CLHC1: variants seen among roughly 807,000 people sequenced by gnomAD.
CLHC1 encodes the protein clathrin heavy chain linker domain containing 1, also known as clathrin heavy chain linker domain-containing protein 1.
A neutral mutation model predicts 69.5 loss-of-function variants in CLHC1; 72 were observed. The observed-to-expected ratio is 1.04, with a 90% CI of 0.86 to 1.26. The LOEUF is 1.26. Ranked by LOEUF, CLHC1 falls within the 50% of genes most tolerant of loss-of-function variation. The pLI is 0.00. For missense variants in CLHC1, 790 were observed against 679.3 expected, an observed-to-expected ratio of 1.16 and a Z score of -1.81; for synonymous variants, 223 against 224.3, an observed-to-expected ratio of 0.99 and a Z score of 0.05.
At chr2:55,186,629 T>C (rs1670439302) in intron 9 of CLHC1, among the ~76,000 whole-genome samples, 1 of 151,828 alleles carries the variant, frequency 6.6e-6, no homozygotes, top group Admixed American at 6.6e-5. Flanking sequence ...CCAGGCATGG[T>C]GGGTATGCCT....
At chr2:55,217,552 A>AAAAAAAAAAATACATATATATATAT (rs1673677786) in intron 4 of CLHC1, among the ~76,000 whole-genome samples, 1 of 43,156 alleles carries the variant, frequency 2.3e-5, no homozygotes, top group African/African-American at 1.2e-4. Flanking sequence ...AAAAAAAAAA[A>AAAAAAAAAAATACATATATATATAT]ATATATATAT....
chr2:55,217,765 T>C, intron 4 of CLHC1, 46 bp downstream of exon 4: 1 of 1,257,262 alleles, frequency 8.0e-7, no homozygotes, highest in Non-Finnish European at 1.1e-6. Flanking sequence ...GTTATTATAA[T>C]CAAGCAACAA....
chr2:55,185,649 A>C (rs1670349932), intron 9 of CLHC1, among the ~76,000 whole-genome samples: 1 of 152,178 alleles, frequency 6.6e-6, no homozygotes, highest in Non-Finnish European at 1.5e-5. Context: ...TGAAGAGTAA[A>C]TGAATAAACA....
chr2:55,177,668 G>T lies in CLHC1; in HGVS notation c.1498C>A (p.Leu500Met), dbSNP rs1669528100. Residue 500 changes from leucine to methionine, a missense_variant, in exon 12 of 13, where the codon CTG becomes ATG. Physicochemically the swap from Leu to Met is conservative, Grantham distance 15 (BLOSUM62 2). Transcript: ENST00000401408. ...SLSFGLAILH[L>M]FSADMKKVGI... ...ACTTTTTTCATGTCTGCAGAGAACA[G>T]ATGAAGTATAGCAAGACCAAAAGAT... The T allele has an allele frequency of 6.2e-7, 1 of 1,612,858 alleles. No homozygotes were observed. Among genetic ancestry groups the T allele is most frequent in the South Asian group, 1.1e-5 (1 of 91,010 alleles).
chr2:55,230,634 G>A (rs1003404414), intron 1 of CLHC1, among the ~76,000 whole-genome samples: 11 of 152,144 alleles, frequency 7.2e-5, no homozygotes, highest in Non-Finnish European at 1.5e-4. Flanking sequence ...AGATCAAGAG[G>A]AAGCAGCAAA....
intron 3 of CLHC1, chr2:55,218,443 T>C (rs1673792045): frequency 6.6e-6 from 1 of 152,394 alleles, no homozygotes; most frequent in African/African-American, 2.4e-5. Flanking sequence ...TCAGCTCCTA[T>C]TGGCTCATCA....
At chr2:55,217,452 G>C (rs1166429363) in intron 4 of CLHC1, among the ~76,000 whole-genome samples, 15 of 142,026 alleles carry the variant, frequency 1.1e-4, no homozygotes, top group Admixed American at 2.2e-4. Context: ...GAGACCAGGA[G>C]GCAGAGGTTG....
At chr2:55,215,165 A>C (rs1673376921) in intron 4 of CLHC1, 1 of 152,262 alleles carries the variant, frequency 6.6e-6, no homozygotes, top group Admixed American at 6.5e-5. Flanking sequence ...ATTTCTGGCA[A>C]TATGACTGGC....
chr2:55,208,500 C>A, intron 8 of CLHC1, 126 bp downstream of exon 8: 1 of 622,420 alleles, frequency 1.6e-6, no homozygotes, highest in Admixed American at 3.0e-5. Context: ...ATAAATAAAA[C>A]ATATCAACAT....
chr2:55,177,507 CTT>C, intron 12 of CLHC1, 93 bp downstream of exon 12: 1 of 790,262 alleles, frequency 1.3e-6, no homozygotes, highest in African/African-American at 1.7e-5. Flanking sequence ...AGAAGGAACT[CTT>C]AGGGAAATTT....
chr2:55,202,768 G>T (rs964420296), intron 9 of CLHC1, among the ~76,000 whole-genome samples: 1 of 148,814 alleles, frequency 6.7e-6, no homozygotes, highest in African/African-American at 2.5e-5. Context: ...GCATGGTGGT[G>T]CACACCTGTT....
At chr2:55,214,505 C>G (rs1196206507) in intron 4 of CLHC1, 1 of 152,178 alleles carries the variant, frequency 6.6e-6, no homozygotes, top group Non-Finnish European at 1.5e-5. Context: ...AAGATTCCGT[C>G]TCAAAAAATA....
chr2:55,176,905 G>T (rs942197150), intron 12 of CLHC1, among the ~76,000 whole-genome samples: 2 of 151,952 alleles, frequency 1.3e-5, no homozygotes, highest in African/African-American at 4.8e-5. Flanking sequence ...TTTTGAGGCA[G>T]TGTCTCACCC....
intron 9 of CLHC1, 125 bp from the exon 10 acceptor site, chr2:55,181,869 A>C: frequency 1.4e-6 from 1 of 732,308 alleles, no homozygotes. Flanking sequence ...TTACACATTT[A>C]TAATTTTTAA....
intron 10 of CLHC1, 68 bp from the exon 11 acceptor site, chr2:55,180,780 T>C: frequency 7.5e-7 from 1 of 1,325,046 alleles, no homozygotes; most frequent in East Asian, 2.3e-5. Context: ...CTGAAATATT[T>C]GAAAATTCAG....
intron 9 of CLHC1, among the ~76,000 whole-genome samples, chr2:55,200,914 C>T (rs536782344): frequency 1.2e-4 from 18 of 152,144 alleles, no homozygotes; most frequent in South Asian, 4.2e-4. Context: ...CTAAACAATA[C>T]GCTCCTGACT....
intron 9 of CLHC1, among the ~76,000 whole-genome samples, chr2:55,186,615 T>C (rs1253432267): frequency 6.6e-6 from 1 of 151,772 alleles, no homozygotes; most frequent in East Asian, 1.9e-4. Context: ...CAAAAACACA[T>C]TAACCAGGCA....
chr2:55,194,303 CATAATCCTCTCA>C (rs1278536405), intron 9 of CLHC1, among the ~76,000 whole-genome samples: 3 of 151,984 alleles, frequency 2.0e-5, no homozygotes, highest in Non-Finnish European at 4.4e-5. Flanking sequence ...ACAAAACTAA[CATAATCCTCTCA>C]ATAAATGTAA....
At chr2:55,229,847 G>C (rs1331096921) in intron 1 of CLHC1, among the ~76,000 whole-genome samples, 1 of 152,238 alleles carries the variant, frequency 6.6e-6, no homozygotes. Flanking sequence ...GCCAAGGCGG[G>C]CAGATCACCT....
Sources: gnomAD v4.1 joint callset for allele counts (sites outside exome capture counted in the v4.1 genomes callset) on GRCh38, gnomAD v4.1.1 for gene constraint, MANE v1.5 for transcripts, NCBI Gene and HGNC (gene_info 2026-07-23, HGNC 2026-07-21) for gene names.